TENM2: variants seen among roughly 807,000 people sequenced by gnomAD.
The protein encoded by TENM2 is teneurin-2.
In TENM2, 52 loss-of-function variants were observed where a neutral mutation model predicts 245.2. The ratio of observed to expected loss-of-function variants is 0.21; its 90% CI spans 0.17 to 0.27. The LOEUF (loss-of-function observed/expected upper bound fraction) is 0.27. Among genes scored for constraint, TENM2 ranks in the 10% least tolerant of loss-of-function variants. The pLI is 1.00. For missense variants in TENM2, 3,046 were observed against 3,666.8 expected, an observed-to-expected ratio of 0.83 and a Z score of 4.37; for synonymous variants, 1,363 against 1,438.9, an observed-to-expected ratio of 0.95 and a Z score of 1.19.
intron 2 of TENM2, among the ~76,000 whole-genome samples, chr5:167,376,359 T>C (rs1251930836): frequency 6.6e-6 from 1 of 152,198 alleles, no homozygotes; most frequent in African/African-American, 2.4e-5. Context: ...AGAATTACCA[T>C]TACCATTAAA....
At chr5:167,965,047 T>G in intron 4 of TENM2, 1 of 152,132 alleles carries the variant, frequency 6.6e-6, no homozygotes, top group East Asian at 1.9e-4. Flanking sequence ...ATAGTTAAGA[T>G]AAAAAGTGGC....
At chr5:167,617,351 G>A (rs745882945) in intron 2 of TENM2, among the ~76,000 whole-genome samples, 20 of 152,104 alleles carry the variant, frequency 1.3e-4, no homozygotes, top group Admixed American at 1.2e-3. Flanking sequence ...GTTTGATAAC[G>A]TACTATAGTT....
the TENM2 span, among the ~76,000 whole-genome samples, chr5:167,264,083 C>T: frequency 3.8e-5 from 5 of 130,244 alleles, no homozygotes; most frequent in Non-Finnish European, 8.1e-5. Context: ...CTAGCCTGGG[C>T]AATAATAACG....
chr5:167,483,292 C>T (rs979740346), intron 2 of TENM2, among the ~76,000 whole-genome samples: 7 of 152,146 alleles, frequency 4.6e-5, no homozygotes, highest in East Asian at 1.9e-4. Flanking sequence ...TGGCAGCCTT[C>T]GAAAACTTCC....
At chr5:167,291,797 A>C (rs545136596) in intron 1 of TENM2, among the ~76,000 whole-genome samples, 1 of 152,336 alleles carries the variant, frequency 6.6e-6, no homozygotes, top group East Asian at 1.9e-4. Context: ...GCCTGATAAC[A>C]AATGCTCCTA....
intron 2 of TENM2, among the ~76,000 whole-genome samples, chr5:167,829,656 A>G (rs531156392): frequency 1.3e-3 from 204 of 152,258 alleles, no homozygotes; most frequent in South Asian, 7.5e-3. Flanking sequence ...CATTTTTTTC[A>G]TTTAGCTTTC....
At chr5:167,358,594 C>A (rs1455197188) in intron 1 of TENM2, among the ~76,000 whole-genome samples, 1 of 151,624 alleles carries the variant, frequency 6.6e-6, no homozygotes, top group East Asian at 1.9e-4. Flanking sequence ...GGGCTCAATT[C>A]TTGATATTCT....
At chr5:167,353,130 G>A (rs1296424510) in intron 1 of TENM2, among the ~76,000 whole-genome samples, 4 of 152,192 alleles carry the variant, frequency 2.6e-5, no homozygotes, top group African/African-American at 9.7e-5. Flanking sequence ...CCATACTCAT[G>A]CCTCTAATCT....
intron 2 of TENM2, among the ~76,000 whole-genome samples, chr5:167,536,132 C>G (rs1392976907): frequency 6.6e-6 from 1 of 152,168 alleles, no homozygotes; most frequent in Non-Finnish European, 1.5e-5. Context: ...TCATCCTGAA[C>G]CTGAGTCTCT....
chr5:167,576,278 T>C (rs1329665955), intron 2 of TENM2, among the ~76,000 whole-genome samples: 1 of 151,714 alleles, frequency 6.6e-6, no homozygotes, highest in East Asian at 1.9e-4. Flanking sequence ...TTCATATAAA[T>C]AGCATTTTTC....
chr5:167,340,926 A>T (rs865847321), intron 1 of TENM2, among the ~76,000 whole-genome samples: 4 of 152,126 alleles, frequency 2.6e-5, no homozygotes, highest in African/African-American at 9.7e-5. Flanking sequence ...TCTAAAAACG[A>T]CAAGTCAGAA....
At chr5:168,014,388 G>T (rs1234492730) in intron 5 of TENM2, among the ~76,000 whole-genome samples, 3 of 151,946 alleles carry the variant, frequency 2.0e-5, no homozygotes, top group Non-Finnish European at 4.4e-5. Flanking sequence ...AAGTAAGAGG[G>T]CCAGGTCTCA....
the TENM2 span, among the ~76,000 whole-genome samples, chr5:167,089,772 C>T: frequency 6.6e-6 from 1 of 152,100 alleles, no homozygotes; most frequent in African/African-American, 2.4e-5. Flanking sequence ...GAAGAAATAT[C>T]ACTTCGCTCA....
the TENM2 span, among the ~76,000 whole-genome samples, chr5:167,056,522 A>G: frequency 3.4e-5 from 5 of 145,816 alleles, no homozygotes. Flanking sequence ...TATTTTATGT[A>G]TATATCTATA....
At chr5:167,582,513 T>C (rs186881744) in intron 2 of TENM2, among the ~76,000 whole-genome samples, 1 of 152,262 alleles carries the variant, frequency 6.6e-6, no homozygotes, top group East Asian at 1.9e-4. Flanking sequence ...CCAGAGATCC[T>C]GGAGACCATT....
intron 2 of TENM2, among the ~76,000 whole-genome samples, chr5:167,692,286 C>A (rs1443784340): frequency 6.6e-6 from 1 of 152,192 alleles, no homozygotes; most frequent in Admixed American, 6.5e-5. Flanking sequence ...TGGCCGAAGG[C>A]AATTGCCCCC....
intron 2 of TENM2, among the ~76,000 whole-genome samples, chr5:167,377,067 T>C (rs1212513193): frequency 1.3e-5 from 2 of 152,110 alleles, no homozygotes; most frequent in Admixed American, 6.5e-5. Flanking sequence ...ATTTAAGTTA[T>C]ATGCATCTAA....
chr5:167,411,109 A>C (rs76853809), intron 2 of TENM2, among the ~76,000 whole-genome samples: 1 of 152,114 alleles, frequency 6.6e-6, no homozygotes, highest in Non-Finnish European at 1.5e-5. Context: ...ATGGAGATGC[A>C]TTCTAAATCG....
intron 5 of TENM2, among the ~76,000 whole-genome samples, chr5:168,035,033 T>C (rs1311869008): frequency 6.6e-6 from 1 of 152,242 alleles, no homozygotes; most frequent in East Asian, 1.9e-4. Context: ...TGAATTGAGA[T>C]GTGCTGTTAA....
Sources: gnomAD v4.1 joint callset for allele counts (sites outside exome capture counted in the v4.1 genomes callset) on GRCh38, gnomAD v4.1.1 for gene constraint, MANE v1.5 for transcripts, NCBI Gene and HGNC (gene_info 2026-07-23, HGNC 2026-07-21) for gene names.